The following MTHFD1L variants were observed in gnomAD, a reference collection of about 807,000 sequenced individuals.
The protein encoded by MTHFD1L is methylenetetrahydrofolate dehydrogenase (NADP+ dependent) 1 like, also known as monofunctional C1-tetrahydrofolate synthase, mitochondrial.
In MTHFD1L, 81 loss-of-function variants were observed where a neutral mutation model predicts 119.5. The ratio of observed to expected loss-of-function variants is 0.68; its 90% CI spans 0.57 to 0.82. The LOEUF is 0.82. Among genes scored for constraint, MTHFD1L ranks in the 40% least tolerant of loss-of-function variants. MTHFD1L has a pLI of 0.00. For synonymous variants in MTHFD1L, 430 were observed against 475.2 expected (o/e 0.90, Z 1.24); for missense variants, 1,125 against 1,253.4 (o/e 0.90, Z 1.55).
chr6:150,904,854 G>A (rs1022851065), intron 7 of MTHFD1L, among the ~76,000 whole-genome samples: 29 of 152,090 alleles, frequency 1.9e-4, no homozygotes, highest in African/African-American at 6.3e-4. Flanking sequence ...GCAAAAAAAT[G>A]AATGGTTGGA....
At chr6:151,006,036 T>C (rs1210267571) in intron 20 of MTHFD1L, among the ~76,000 whole-genome samples, 1 of 152,124 alleles carries the variant, frequency 6.6e-6, no homozygotes, top group Non-Finnish European at 1.5e-5. Flanking sequence ...TGTTTTTTCA[T>C]TGACCTGCTT....
Position 151,016,166 on chromosome 6 carries a change from C to T in MTHFD1L, c.2586+473C>T, listed in dbSNP as rs187488768. ...ACATTTCCAAGTACAGACCCTAGCTCCTTGTCCCAAAGCCTGTGCTTTTGA... is the reference window on the plus strand; with the variant it reads ...ACATTTCCAAGTACAGACCCTAGCTTCTTGTCCCAAAGCCTGTGCTTTTGA... On this transcript the variant is annotated intron_variant, in intron 24 of 27. Coordinates refer to ENST00000367321, the MANE Select transcript of MTHFD1L (RefSeq NM_015440.5). Among the ~76,000 whole-genome samples, 439 of 152,276 alleles carry T rather than the reference C, an allele frequency of 2.9e-3. 1 individual carries two copies. Among genetic ancestry groups the T allele is most frequent in the African/African-American group, 9.8e-3 (407 of 41,556 alleles).
At chr6:150,922,476 A>G (rs563933174) in intron 10 of MTHFD1L, among the ~76,000 whole-genome samples, 174 bp downstream of exon 10, 2 of 152,182 alleles carry the variant, frequency 1.3e-5, no homozygotes, top group African/African-American at 4.8e-5. Context: ...AAATTAAATC[A>G]TAATGAATGT....
chr6:150,958,443 A>T (rs1313558626), intron 17 of MTHFD1L, among the ~76,000 whole-genome samples: 2 of 152,164 alleles, frequency 1.3e-5, no homozygotes, highest in Non-Finnish European at 2.9e-5. Context: ...ATTATTCCAG[A>T]TGTGTGATTG....
At chr6:151,030,791 G>A (rs2128522940) in intron 24 of MTHFD1L, among the ~76,000 whole-genome samples, 1 of 152,346 alleles carries the variant, frequency 6.6e-6, no homozygotes, top group East Asian at 1.9e-4. Flanking sequence ...TCCAGGGGCT[G>A]TATCCTATCT....
At chr6:151,047,229 A>T (rs1788231519) in intron 26 of MTHFD1L, among the ~76,000 whole-genome samples, 1 of 152,218 alleles carries the variant, frequency 6.6e-6, no homozygotes, top group South Asian at 2.1e-4. Context: ...GCTTAAAGTC[A>T]CTGTTTCCAA....
intron 20 of MTHFD1L, among the ~76,000 whole-genome samples, chr6:150,975,223 A>G (rs751565640): frequency 2.0e-5 from 3 of 152,240 alleles, no homozygotes; most frequent in Non-Finnish European, 4.4e-5. Flanking sequence ...TATGATGTCT[A>G]AATATGTGAT....
intron 27 of MTHFD1L, among the ~76,000 whole-genome samples, chr6:151,093,378 C>A (rs1026747621): frequency 1.9e-5 from 2 of 104,600 alleles, no homozygotes; most frequent in Non-Finnish European, 3.9e-5. Flanking sequence ...TCTGCAAAGA[C>A]CCTCCTTCCA....
intron 27 of MTHFD1L, among the ~76,000 whole-genome samples, chr6:151,092,790 A>T (rs1262809427): frequency 1.3e-5 from 2 of 152,060 alleles, no homozygotes; most frequent in Admixed American, 1.3e-4. Context: ...GATGCTCAGT[A>T]CACAACCCTT....
At chr6:150,915,582 C>CTTTTTCT (rs564123820) in intron 8 of MTHFD1L, among the ~76,000 whole-genome samples, 1 of 152,014 alleles carries the variant, frequency 6.6e-6, no homozygotes, top group Non-Finnish European at 1.5e-5. Context: ...TGGAATGTAA[C>CTTTTTCT]TTTTTCTTTT....
chr6:150,969,045 TA>T (rs1797655300), intron 19 of MTHFD1L, among the ~76,000 whole-genome samples: 1 of 149,236 alleles, frequency 6.7e-6, no homozygotes, highest in East Asian at 2.0e-4. Flanking sequence ...GACAGGGTTT[TA>T]CCATGTTGGC....
chr6:150,899,559 AATG>A (rs1784789898), intron 7 of MTHFD1L, among the ~76,000 whole-genome samples: 2 of 152,202 alleles, frequency 1.3e-5, no homozygotes, highest in Non-Finnish European at 2.9e-5. Flanking sequence ...ATTCCTATTT[AATG>A]ATATGTTTTA....
intron 9 of MTHFD1L, among the ~76,000 whole-genome samples, chr6:150,919,984 A>G (rs1788626576): frequency 6.6e-6 from 1 of 152,190 alleles, no homozygotes; most frequent in Non-Finnish European, 1.5e-5. Context: ...GCATACTCAC[A>G]TGGCTGTGGG....
chr6:151,034,217 G>A (rs1785773905), intron 24 of MTHFD1L, among the ~76,000 whole-genome samples: 1 of 151,550 alleles, frequency 6.6e-6, no homozygotes, highest in African/African-American at 2.4e-5. Context: ...TGCTACAATG[G>A]ATAAAAATGG....
intron 4 of MTHFD1L, among the ~76,000 whole-genome samples, chr6:150,878,140 C>T (rs1402345218): frequency 2.6e-5 from 4 of 152,186 alleles, no homozygotes; most frequent in African/African-American, 9.7e-5. Context: ...ACCACAGATC[C>T]CTGTGCCAGG....
chr6:150,939,995 CTT>C (rs1026897316), intron 13 of MTHFD1L, among the ~76,000 whole-genome samples: 1 of 152,080 alleles, frequency 6.6e-6, no homozygotes, highest in African/African-American at 2.4e-5. Context: ...CTTGCAGACT[CTT>C]TTCCTGTTCT....
chr6:150,940,695 C>T (rs1792944273), intron 13 of MTHFD1L, among the ~76,000 whole-genome samples: 1 of 152,116 alleles, frequency 6.6e-6, no homozygotes, highest in East Asian at 1.9e-4. Flanking sequence ...ATTCTCCTGC[C>T]TCAGCCTCCC....
At chr6:150,920,053 C>G (rs184166356) in intron 9 of MTHFD1L, among the ~76,000 whole-genome samples, 220 of 152,274 alleles carry the variant, frequency 1.4e-3, no homozygotes, top group Non-Finnish European at 1.6e-3. Context: ...TCATCATGTC[C>G]ACCTCTCTGT....
intron 24 of MTHFD1L, among the ~76,000 whole-genome samples, chr6:151,032,895 A>G (rs1282528735): frequency 2.0e-5 from 3 of 152,210 alleles, no homozygotes; most frequent in Admixed American, 6.5e-5. Context: ...TTTGGGTTCT[A>G]TCAGGGTTGG....
Sources: gnomAD v4.1 joint callset for allele counts (sites outside exome capture counted in the v4.1 genomes callset) on GRCh38, gnomAD v4.1.1 for gene constraint, MANE v1.5 for transcripts, NCBI Gene and HGNC (gene_info 2026-07-23, HGNC 2026-07-21) for gene names.